The following FGD5 variants were observed in gnomAD, a reference collection of about 807,000 sequenced individuals.
The protein encoded by FGD5 is FYVE, RhoGEF and PH domain-containing protein 5.
In FGD5, 28 loss-of-function variants were observed where a neutral mutation model predicts 133.4. That is an observed-to-expected ratio of 0.21 (90% CI 0.16 to 0.29). FGD5 has a LOEUF of 0.29. Ranked by LOEUF, FGD5 falls within the 10% of genes least tolerant of loss-of-function variation. The pLI, the probability that FGD5 is intolerant of heterozygous loss-of-function variation, is 1.00. For missense variants in FGD5, 1,858 were observed against 1,895.2 expected (o/e 0.98, Z 0.36); for synonymous variants, 810 against 776.5 (o/e 1.04, Z -0.72).
chr3:14,910,883 T>C lies in FGD5; in HGVS notation c.3359T>C (p.Leu1120Pro). Residue 1120 changes from leucine (L) to proline (P), a missense_variant, in exon 11 of 20, where the codon CTG becomes CCG. Transcript: ENST00000285046. ...PGREFLKEGT[L>P]MKVTGKNRRP... is the part of the protein sequence containing the mutation. Reference sequence around the variant, plus strand: ...CAGGAGTTTCTGAAGGAAGGGACGCTGATGAAAGTAACAGGGAAAAACAGA... The same window carrying C: ...CAGGAGTTTCTGAAGGAAGGGACGCCGATGAAAGTAACAGGGAAAAACAGA... The C allele has an allele frequency of 1.2e-6, 2 of 1,613,404 alleles. No individual in the cohort carries two copies. Among genetic ancestry groups the C allele is most frequent in the Non-Finnish European group, 1.7e-6 (2 of 1,179,668 alleles).
rs971068305 is a variant in FGD5, at chr3:14,867,238, T to C, written c.2658+2978T>C. Among the ~76,000 whole-genome samples, 8 of 152,208 alleles carry C rather than the reference T, an allele frequency of 5.3e-5. 1 individual carries two copies. Among genetic ancestry groups the C allele is most frequent in the Non-Finnish European group, 1.0e-4 (7 of 68,038 alleles). On this transcript the variant is annotated intron_variant, in intron 2 of 19. Transcript: ENST00000285046. ...ATTTGTTGTTTTTACATATATGATA[T>C]CAAACTATAAGAAACCTGAAGTAAC... is the stretch of plus-strand genomic sequence containing the variant.
chr3:14,926,208 A>T lies in FGD5; in HGVS notation c.4197+10A>T. The T allele has an allele frequency of 6.2e-7, 1 of 1,612,628 alleles. No homozygotes were observed. Among genetic ancestry groups the T allele is most frequent in the Non-Finnish European group, 8.5e-7 (1 of 1,179,074 alleles). ...CTACATGGCCAGTGAGGTAGTAGTGATCTGCACTCTCTCCCCTCTCCTCTC... is the reference window on the plus strand; with the variant it reads ...CTACATGGCCAGTGAGGTAGTAGTGTTCTGCACTCTCTCCCCTCTCCTCTC... On this transcript the variant is annotated intron_variant, in intron 18 of 19. Coordinates refer to ENST00000285046, the MANE Select transcript of FGD5 (RefSeq NM_152536.4).
At chr3:14,822,489 GTT>G (rs11290454) in intron 1 of FGD5, among the ~76,000 whole-genome samples, 14 of 142,346 alleles carry the variant, frequency 9.8e-5, no homozygotes, top group African/African-American at 2.8e-4. Context: ...ATCCAAGCTT[GTT>G]TTTTTTTTTT....
chr3:14,907,670 C>T lies in FGD5; in HGVS notation c.3295C>T (p.His1099Tyr). The change falls in exon 10 of 20, where the codon CAC (histidine) becomes TAC (tyrosine). Residue 1099 changes from histidine to tyrosine, a missense_variant. Physicochemically the swap from His to Tyr is moderately conservative, Grantham distance 83. This residue lies in a region of FGD5 where 1,824 missense variants were observed against 1,848.9 expected (regional missense o/e 0.99). Transcript: ENST00000285046. ...ENLQKLVHIEHSVRGQGDLLQ... is the reference protein window; with the variant it reads ...ENLQKLVHIEYSVRGQGDLLQ... ...CCTGCAGAAGCTGGTCCACATTGAG[C>T]ACAGCGTCCGGGGCCAAGGGGATCT... The T allele has an allele frequency of 1.9e-6, 3 of 1,613,752 alleles. No individual in the cohort carries two copies. The highest frequency in any genetic ancestry group is 2.5e-6 in the Non-Finnish European group (3 of 1,179,718).
Position 14,893,669 on chromosome 3 carries a change from T to C in FGD5, c.2749-3840T>C, listed in dbSNP as rs566014327. Among the ~76,000 whole-genome samples, 6 of 152,074 alleles carry C rather than the reference T, an allele frequency of 3.9e-5. No individual in the cohort carries two copies. In the South Asian group the frequency reaches 1.0e-3, roughly 26 times the overall value. ...GGCCTCTTCTAGCTATTTCAAAATG[T>C]ATAGTCCATTATCGTAAACTATAGT... On this transcript the variant is annotated intron_variant, in intron 4 of 19. Transcript: ENST00000285046.
intron 1 of FGD5, among the ~76,000 whole-genome samples, chr3:14,821,834 G>T (rs138740764): frequency 6.6e-6 from 1 of 152,210 alleles, no homozygotes; most frequent in South Asian, 2.1e-4. Flanking sequence ...GGGCGCAGTG[G>T]CTCATGCCTG....
chr3:14,896,027 A>C (rs2038130951), intron 4 of FGD5, among the ~76,000 whole-genome samples: 2 of 152,180 alleles, frequency 1.3e-5, no homozygotes, highest in Non-Finnish European at 1.5e-5. Flanking sequence ...AAGCAATCCC[A>C]TTTATCATAG....
intron 18 of FGD5, among the ~76,000 whole-genome samples, chr3:14,929,573 GTTTTAATTTAGA>G (rs1269856190): frequency 6.6e-6 from 1 of 152,152 alleles, no homozygotes; most frequent in African/African-American, 2.4e-5. Flanking sequence ...ACTCAATGTT[GTTTTAATTTAGA>G]TTTCCCTAGT....
chr3:14,861,074 A>G (rs528726665), intron 1 of FGD5, among the ~76,000 whole-genome samples: 3 of 152,356 alleles, frequency 2.0e-5, no homozygotes, highest in South Asian at 4.1e-4. Flanking sequence ...CAGAGTTGGT[A>G]GCAAGTGTTA....
chr3:14,912,250 G>C (rs1458133556), intron 11 of FGD5, among the ~76,000 whole-genome samples: 1 of 152,180 alleles, frequency 6.6e-6, no homozygotes, highest in Admixed American at 6.5e-5. Flanking sequence ...GGGTGTGCTG[G>C]GCCCCGATGG....
intron 10 of FGD5, 124 bp downstream of exon 10, chr3:14,907,835 G>A (rs1034676276): frequency 7.3e-6 from 7 of 961,354 alleles, no homozygotes; most frequent in South Asian, 1.7e-5. Flanking sequence ...TGGAGGGCAG[G>A]CAGGCGGGTG....
chr3:14,859,978 A>C (rs543999702), intron 1 of FGD5, among the ~76,000 whole-genome samples: 1 of 152,362 alleles, frequency 6.6e-6, no homozygotes, highest in South Asian at 2.1e-4. Context: ...ATTAGTATGC[A>C]TTGGAAAGGG....
Position 14,819,891 on chromosome 3 carries a change from G to C in FGD5, c.820G>C (p.Val274Leu). Reference sequence around the variant, plus strand: ...AGAGACAGCCACAGACTGCCCTGAAGTTCTTGAGGAGGGATGTGAAGAGGC... The same window carrying C: ...AGAGACAGCCACAGACTGCCCTGAACTTCTTGAGGAGGGATGTGAAGAGGC... ...EAETATDCPEVLEEGCEEATG... is the reference protein window; with the variant it reads ...EAETATDCPELLEEGCEEATG... Residue 274 changes from valine to leucine, a missense_variant, in exon 1 of 20, where the codon GTT (valine) becomes CTT (leucine). Coordinates refer to ENST00000285046, the MANE Select transcript of FGD5 (RefSeq NM_152536.4). This position sits in a 1 kb window ranked among gnomAD's most constrained non-coding sequence, Gnocchi z 4.1. 1 of 1,613,856 alleles carries C rather than the reference G, an allele frequency of 6.2e-7. No homozygotes were observed. The highest frequency in any genetic ancestry group is 8.5e-7 in the Non-Finnish European group (1 of 1,179,862).
At chr3:14,905,080 C>G (rs2038313798) in intron 9 of FGD5, among the ~76,000 whole-genome samples, 1 of 152,172 alleles carries the variant, frequency 6.6e-6, no homozygotes, top group East Asian at 1.9e-4. Context: ...CTCACTCCAA[C>G]AGTGAGAAGC....
In FGD5 at chr3:14,824,433, C is replaced by T. The variant is rs888617623; in HGVS notation, c.2525+2837C>T. 4.7e-4 allele frequency among the ~76,000 whole-genome samples: 72 copies of T among 152,130 alleles called. 1 individual carries two copies. The highest frequency in any genetic ancestry group is 3.7e-3 in the Admixed American group (56 of 15,274). ...AGGGTGGGGAGGCAGTTCCTTCCTC[C>T]GCCTGCTACTTGTCCTGCCCCATAC... On this transcript the variant is annotated intron_variant, in intron 1 of 19. Transcript: ENST00000285046.
chr3:14,880,473 G>A (rs562176939), intron 2 of FGD5, 99 bp from the exon 3 acceptor site: 2 of 1,044,242 alleles, frequency 1.9e-6, no homozygotes, highest in African/African-American at 3.2e-5. Context: ...GCCAGGAAAT[G>A]GTCTGCAAAA....
Position 14,933,260 on chromosome 3 carries a change from C to T in FGD5, c.*93C>T. On this transcript the variant is annotated 3_prime_UTR_variant, in exon 20 of 20. Coordinates refer to ENST00000285046, the MANE Select transcript of FGD5 (RefSeq NM_152536.4). ...CTGTGGCTCAACTCATCCGGACACA[C>T]ACCTGGATTCAGCAATGAGGCCTGA... is the stretch of plus-strand genomic sequence containing the variant. 7.0e-7 allele frequency: 1 copy of T among 1,431,688 alleles called. No homozygotes were observed. Among genetic ancestry groups the T allele is most frequent in the Non-Finnish European group, 9.7e-7 (1 of 1,033,406 alleles). 88.7% of individuals were successfully genotyped at this position (1,431,688 alleles called of 1,614,324 possible).
rs1285552492 is a variant in FGD5, at chr3:14,926,097, A to G, written c.4096A>G (p.Ile1366Val). ...GGCTGCCTCTGGAGAGGGCTCTGCC[A>G]TCAGTGGCTATCTCAGCCGGTGTAA... ...EVAASGEGSA[I>V]SGYLSRCKRG... is the part of the protein sequence containing the mutation. The change falls in exon 18 of 20, where the codon ATC becomes GTC. Residue 1366 changes from isoleucine (I) to valine (V), a missense_variant. Transcript: ENST00000285046. 3.1e-6 allele frequency: 5 copies of G among 1,613,918 alleles called. No homozygotes were observed. Among genetic ancestry groups the G allele is most frequent in the South Asian group, 1.1e-5 (1 of 91,084 alleles).
chr3:14,858,354 G>GAT (rs1559482583), intron 1 of FGD5, among the ~76,000 whole-genome samples: 1 of 138,118 alleles, frequency 7.2e-6, no homozygotes, highest in Non-Finnish European at 1.5e-5. Flanking sequence ...CGGGTGGGTG[G>GAT]GTGGATGGAT....
Sources: gnomAD v4.1 joint callset for allele counts (sites outside exome capture counted in the v4.1 genomes callset) on GRCh38, gnomAD v4.1.1 for gene constraint, gnomAD v4.1.1 regional missense constraint, Gnocchi (gnomAD v3.1) non-coding constraint, MANE v1.5 for transcripts, NCBI Gene and HGNC (gene_info 2026-07-23, HGNC 2026-07-21) for gene names.